LRP2BP: variants seen among roughly 807,000 people sequenced by gnomAD.
The protein encoded by LRP2BP is LRP2 binding protein, also known as LRP2-binding protein.
LRP2BP carries 38 observed loss-of-function variants against 45.2 expected under a neutral mutation model. The ratio of observed to expected loss-of-function variants is 0.84; its 90% confidence interval spans 0.65 to 1.10. The LOEUF (loss-of-function observed/expected upper bound fraction) is 1.10. LRP2BP is among the 50% of genes least tolerant of loss of function. The pLI is 0.00. For missense variants in LRP2BP, 385 were observed against 418.9 expected, an observed-to-expected ratio of 0.92 and a Z score of 0.71; for synonymous variants, 153 against 153.9, an observed-to-expected ratio of 0.99 and a Z score of 0.04.
At chr4:185,396,701 T>A (rs1180771009), upstream of LRP2BP, 7 of 575,172 alleles carry the variant, frequency 1.2e-5, no homozygotes, top group Non-Finnish European at 2.2e-5. Context: ...TTTGTGTACG[T>A]GCGGCCGTGG....
chr4:185,370,570 C>G, intron 8 of LRP2BP, 70 bp downstream of exon 8: 2 of 1,505,984 alleles, frequency 1.3e-6, no homozygotes, highest in Non-Finnish European at 1.8e-6. Flanking sequence ...ATCCGTAAAA[C>G]TATTCAAGTT....
intron 1 of LRP2BP, 128 bp from the exon 2 acceptor site, chr4:185,378,335 A>C: frequency 6.9e-7 from 1 of 1,444,272 alleles, no homozygotes; most frequent in Non-Finnish European, 9.1e-7. Flanking sequence ...TAGAACACCA[A>C]CCACCAACTC....
chr4:185,369,977 T>C (rs562220135), intron 8 of LRP2BP: 22 of 234,246 alleles, frequency 9.4e-5, no homozygotes, highest in African/African-American at 4.6e-4. Flanking sequence ...TCTGCTATGA[T>C]GTAATTCTGA....
At chr4:185,370,993 G>A (rs2095412884) in intron 7 of LRP2BP, 179 bp from the exon 8 acceptor site, 3 of 575,546 alleles carry the variant, frequency 5.2e-6, no homozygotes, top group Middle Eastern at 4.6e-4. Flanking sequence ...GAGAAGATGA[G>A]CTTCCCAGAG....
chr4:185,381,048 A>C (rs544528868), intron 1 of LRP2BP, among the ~76,000 whole-genome samples: 1 of 152,226 alleles, frequency 6.6e-6, no homozygotes, highest in Non-Finnish European at 1.5e-5. Flanking sequence ...TCTCAGATCA[A>C]GAAAGAGATC....
intron 3 of LRP2BP, among the ~76,000 whole-genome samples, chr4:185,376,443 C>CTTTTTTTTTTTT (rs34024562): frequency 5.5e-4 from 58 of 105,794 alleles, no homozygotes; most frequent in African/African-American, 8.6e-4. Context: ...TGCCCAGCTA[C>CTTTTTTTTTTTT]TTTTTTTTTT....
intron 1 of LRP2BP, chr4:185,378,418 A>G (rs772618423): frequency 4.2e-5 from 56 of 1,346,816 alleles, no homozygotes; most frequent in Non-Finnish European, 5.2e-5. Flanking sequence ...TCTCCATGTC[A>G]TTTTCCACAG....
At chr4:185,379,819 T>TCTCTCTCTCTCTCTCTC (rs1453737576) in intron 1 of LRP2BP, among the ~76,000 whole-genome samples, 4 of 151,980 alleles carry the variant, frequency 2.6e-5, no homozygotes, top group Non-Finnish European at 2.9e-5. Context: ...CACTTCTCTC[T>TCTCTCTCTCTCTCTCTC]CTCTCTCTCT....
chr4:185,375,046 A>T (rs1286332044), intron 4 of LRP2BP, among the ~76,000 whole-genome samples: 1 of 151,986 alleles, frequency 6.6e-6, no homozygotes, highest in Non-Finnish European at 1.5e-5. Flanking sequence ...TCCACCCCCA[A>T]ATCCATCAGA....
upstream of LRP2BP, chr4:185,396,622 C>G: frequency 2.2e-6 from 1 of 451,810 alleles, no homozygotes; most frequent in South Asian, 2.7e-5. Flanking sequence ...CACAGCTGGC[C>G]AATCGGCGGA....
In LRP2BP at chr4:185,393,529, C is replaced by CT. The variant is rs34881421; in HGVS notation, c.-22+1249dup. Among the ~76,000 whole-genome samples the CT allele has an allele frequency of 3.0e-3, 434 of 142,366 alleles. 1 individual carries two copies. Among genetic ancestry groups the CT allele is most frequent in the African/African-American group, 8.3e-3 (326 of 39,062 alleles). 93.4% of individuals were successfully genotyped at this position (142,366 alleles called of 152,430 possible). A position where few individuals can be genotyped will look rare whatever the true frequency, so the allele number is the denominator to read the frequency against. On this transcript the variant is annotated intron_variant, in intron 1 of 8. Coordinates refer to ENST00000505916, the MANE Select transcript of LRP2BP (RefSeq NM_001377440.1). Reference sequence around the variant, plus strand: ...GCAAGAGTAATTACTTTTTCTTTTCCTTTTTTTTTTTTTGAGACGGAATCT... The same window carrying CT: ...GCAAGAGTAATTACTTTTTCTTTTCCTTTTTTTTTTTTTTGAGACGGAATCT...
In LRP2BP at chr4:185,395,387, A is replaced by G; in HGVS notation, c.-630T>C. 1.0e-6 allele frequency: 1 copy of G among 985,462 alleles called. No homozygotes were observed. Among genetic ancestry groups the G allele is most frequent in the Non-Finnish European group, 1.2e-6 (1 of 829,916 alleles). The allele number at this position is 985,462 out of a possible 1,614,324, so 61.0% of individuals were successfully genotyped here. On this transcript the variant is annotated 5_prime_UTR_variant, in exon 1 of 9. Transcript: ENST00000505916. ...TATTAGTTAGGAATTCCTGAAAATG[A>G]ACTTCTGTGCAAACCTGAAGCTTCA...
intron 1 of LRP2BP, among the ~76,000 whole-genome samples, chr4:185,383,344 G>A (rs1252678285): frequency 1.6e-4 from 25 of 152,256 alleles, no homozygotes. Context: ...GCCAGGTGTG[G>A]TGGTGCACAC....
At position 185,384,931 on chromosome 4, in the gene LRP2BP, T is replaced by C. The variant is rs888959493; in HGVS notation, c.-21-6724A>G. On this transcript the variant is annotated intron_variant, in intron 1 of 8. Transcript: ENST00000505916. ...TCCCCCGCCGCCCCTTTCAGCTAGG[T>C]CCGTTTGTGTGTTTAAAACAAAAGT... Among the ~76,000 whole-genome samples the C allele has an allele frequency of 5.5e-5, 6 of 108,520 alleles. No individual in the cohort carries two copies. In the Middle Eastern group the frequency reaches 0.026, roughly 464 times the overall value. 71.2% of individuals were successfully genotyped at this position (108,520 alleles called of 152,430 possible).
intron 1 of LRP2BP, among the ~76,000 whole-genome samples, chr4:185,379,834 CTG>C (rs58021336): frequency 4.0e-5 from 6 of 150,370 alleles, no homozygotes; most frequent in Admixed American, 3.3e-4. Context: ...CTCTCTCTCT[CTG>C]AGACAGCGTC....
intron 8 of LRP2BP, among the ~76,000 whole-genome samples, chr4:185,368,919 G>A (rs916669712): frequency 3.3e-5 from 5 of 150,118 alleles, no homozygotes; most frequent in African/African-American, 9.8e-5. Context: ...TCAGCCTCCC[G>A]AGTAGCTGGG....
At chr4:185,393,867 G>C (rs2095494841) in intron 1 of LRP2BP, among the ~76,000 whole-genome samples, 1 of 152,142 alleles carries the variant, frequency 6.6e-6, no homozygotes, top group South Asian at 2.1e-4. Flanking sequence ...ACTAGGTTTA[G>C]TATTGCGGGA....
intron 4 of LRP2BP, 136 bp from the exon 5 acceptor site, chr4:185,374,597 A>AG: frequency 1.1e-6 from 1 of 924,988 alleles, no homozygotes; most frequent in Non-Finnish European, 1.6e-6. Flanking sequence ...CAAGGGGTAC[A>AG]ATTGTCCTGG....
intron 1 of LRP2BP, among the ~76,000 whole-genome samples, chr4:185,386,390 T>C (rs1373890113): frequency 6.6e-6 from 1 of 152,172 alleles, no homozygotes; most frequent in East Asian, 1.9e-4. Flanking sequence ...ATATAAACTA[T>C]GTGGGAATAA....
Sources: allele counts gnomAD v4.1 joint callset (sites outside exome capture counted in the v4.1 genomes callset), GRCh38; gene constraint gnomAD v4.1.1; transcripts MANE v1.5; gene names NCBI Gene and HGNC (gene_info 2026-07-23, HGNC 2026-07-21).